LIN28B: variants seen among roughly 807,000 people sequenced by gnomAD.
The protein encoded by LIN28B is protein lin-28 homolog B.
Under a neutral mutation model 21.9 loss-of-function variants are expected in LIN28B, and 5 were observed. The ratio of observed to expected loss-of-function variants is 0.23; its 90% confidence interval spans 0.12 to 0.48. The LOEUF is 0.48. Among genes scored for constraint, LIN28B ranks in the 20% least tolerant of loss-of-function variants. LIN28B has a pLI of 0.98. For missense variants in LIN28B, 245 were observed against 310.5 expected (o/e 0.79, Z 1.58); for synonymous variants, 109 against 111.3 (o/e 0.98, Z 0.13).
At chr6:105,069,989 CTCCTTCCA>C (rs899712347) in intron 3 of LIN28B, among the ~76,000 whole-genome samples, 1 of 152,108 alleles carries the variant, frequency 6.6e-6, no homozygotes, top group African/African-American at 2.4e-5. Flanking sequence ...TCCTCCTTCC[CTCCTTCCA>C]CCCCTCCCCT....
intron 1 of LIN28B, 84 bp downstream of exon 1, chr6:104,957,344 G>A (rs1237920272): frequency 2.7e-6 from 2 of 728,932 alleles, no homozygotes; most frequent in East Asian, 3.1e-5. Flanking sequence ...TTCTTAGACC[G>A]TCCCCCCCTT....
At chr6:104,986,821 AT>A (rs1770355532) in intron 2 of LIN28B, among the ~76,000 whole-genome samples, 3 of 152,190 alleles carry the variant, frequency 2.0e-5, no homozygotes, top group Admixed American at 6.5e-5. Context: ...TTCTGAAATA[AT>A]TTGCTGCAAC....
At chr6:104,938,052 A>C (rs1428714435) in intron 2 of LIN28B, among the ~76,000 whole-genome samples, 4 of 7,522 alleles carry the variant, frequency 5.3e-4, no homozygotes, top group Non-Finnish European at 4.6e-3. Context: ...TGTCTCTACA[A>C]AAAAAAAAAA....
intron 3 of LIN28B, among the ~76,000 whole-genome samples, chr6:105,068,917 T>C (rs1170268107): frequency 6.6e-6 from 1 of 152,212 alleles, no homozygotes; most frequent in Non-Finnish European, 1.5e-5. Context: ...AGTAATTTTC[T>C]ATTTAAATGC....
chr6:104,958,004 C>T, intron 1 of LIN28B, 95 bp from the exon 2 acceptor site: 1 of 854,422 alleles, frequency 1.2e-6, no homozygotes, highest in Admixed American at 3.2e-5. Context: ...GTTACCCTTC[C>T]CCCCCAACCC....
intron 3 of LIN28B, among the ~76,000 whole-genome samples, chr6:104,952,023 T>A (rs544259076): frequency 6.6e-6 from 1 of 152,336 alleles, no homozygotes; most frequent in East Asian, 1.9e-4. Context: ...CCTTTTTCAT[T>A]TCTGATATAC....
intron 2 of LIN28B, among the ~76,000 whole-genome samples, chr6:104,994,025 G>A (rs1234354662): frequency 2.0e-5 from 3 of 151,940 alleles, no homozygotes; most frequent in Non-Finnish European, 4.4e-5. Flanking sequence ...ATATTTTTGA[G>A]ACGGAGTCTC....
At chr6:104,989,212 T>C (rs1182894025) in intron 2 of LIN28B, among the ~76,000 whole-genome samples, 1 of 152,152 alleles carries the variant, frequency 6.6e-6, no homozygotes, top group Non-Finnish European at 1.5e-5. Flanking sequence ...TTCCTGGTGA[T>C]TAATTTGTTC....
chr6:105,031,024 G>A (rs747994605), intron 3 of LIN28B, among the ~76,000 whole-genome samples: 3 of 151,792 alleles, frequency 2.0e-5, no homozygotes, highest in South Asian at 2.1e-4. Context: ...AATTAAGTAT[G>A]GCCGCCAAAC....
intron 3 of LIN28B, among the ~76,000 whole-genome samples, chr6:105,027,553 T>TA (rs1251848506): frequency 6.6e-6 from 1 of 151,938 alleles, no homozygotes; most frequent in Non-Finnish European, 1.5e-5. Context: ...TCTTCTCAAA[T>TA]AAAAAATAAG....
At chr6:105,031,778 G>A (rs570079636) in intron 3 of LIN28B, among the ~76,000 whole-genome samples, 8 of 151,944 alleles carry the variant, frequency 5.3e-5, no homozygotes, top group Non-Finnish European at 7.4e-5. Context: ...CTCGTGATCC[G>A]CCCGCCTTGG....
At chr6:105,019,515 A>T (rs999073465) in intron 2 of LIN28B, among the ~76,000 whole-genome samples, 3 of 152,180 alleles carry the variant, frequency 2.0e-5, no homozygotes, top group African/African-American at 7.2e-5. Context: ...GTAGGTAGGA[A>T]TGGTATGTGA....
rs557097092 is a variant in LIN28B, at chr6:105,047,956, A to T, written c.383+21474A>T. 2.6e-5 allele frequency among the ~76,000 whole-genome samples: 4 copies of T among 152,216 alleles called. No individual in the cohort carries two copies. The East Asian group carries it at 7.7e-4, about 29-fold the overall frequency. On this transcript the variant is annotated intron_variant, in intron 3 of 3. Coordinates refer to ENST00000345080, the MANE Select transcript of LIN28B (RefSeq NM_001004317.4). ...GGTTTTCTAAATATACAATCATGTC[A>T]TCTGCAAACAGGGACAATTTGACTT...
chr6:105,047,410 G>A (rs937360360), intron 3 of LIN28B, among the ~76,000 whole-genome samples: 1 of 152,116 alleles, frequency 6.6e-6, no homozygotes, highest in Non-Finnish European at 1.5e-5. Flanking sequence ...ATGCTGTTTT[G>A]ATTACTATAG....
intron 2 of LIN28B, among the ~76,000 whole-genome samples, chr6:104,962,769 T>C (rs566351141): frequency 1.3e-5 from 2 of 152,182 alleles, no homozygotes; most frequent in African/African-American, 2.4e-5. Flanking sequence ...TTTGTTATAG[T>C]TAAGCATAAA....
intron 3 of LIN28B, among the ~76,000 whole-genome samples, chr6:105,055,973 G>A (rs534723324): frequency 6.8e-6 from 1 of 146,298 alleles, no homozygotes; most frequent in East Asian, 2.0e-4. Flanking sequence ...TGTTGCCCAG[G>A]CTGGACTGAA....
intron 3 of LIN28B, among the ~76,000 whole-genome samples, chr6:105,057,416 T>C (rs113953804): frequency 0.021 from 3,216 of 152,354 alleles, 51 homozygotes; most frequent in Non-Finnish European, 0.035. Flanking sequence ...CCTACACTTA[T>C]ACCTAACATG....
chr6:105,049,032 T>A (rs1386280494), intron 3 of LIN28B, among the ~76,000 whole-genome samples: 1 of 152,220 alleles, frequency 6.6e-6, no homozygotes, highest in Admixed American at 6.5e-5. Context: ...TCTGCTCTGA[T>A]CTTAGTTATT....
rs148955332 is a variant in LIN28B, at chr6:104,996,352, C to G, written c.199-29946C>G. On this transcript the variant is annotated intron_variant, in intron 2 of 3. Coordinates refer to ENST00000345080, the MANE Select transcript of LIN28B (RefSeq NM_001004317.4). ...GTTTGGACAGTGTTCTTGTTTTTGTCTCTGTTCAGATAAGGTCACAGAATG... is the reference window on the plus strand; with the variant it reads ...GTTTGGACAGTGTTCTTGTTTTTGTGTCTGTTCAGATAAGGTCACAGAATG... 1.4e-3 allele frequency among the ~76,000 whole-genome samples: 214 copies of G among 152,270 alleles called. 1 individual carries two copies. Among genetic ancestry groups the G allele is most frequent in the African/African-American group, 4.9e-3 (205 of 41,556 alleles).
Sources: allele counts gnomAD v4.1 joint callset (sites outside exome capture counted in the v4.1 genomes callset), GRCh38; gene constraint gnomAD v4.1.1; transcripts MANE v1.5; gene names NCBI Gene and HGNC (gene_info 2026-07-23, HGNC 2026-07-21).